The following GALNT10 variants were observed in gnomAD, a reference collection of about 807,000 sequenced individuals.
GALNT10 encodes polypeptide N-acetylgalactosaminyltransferase 10.
A neutral mutation model predicts 75.0 loss-of-function variants in GALNT10; 41 were observed. The observed-to-expected ratio is 0.55, with a 90% CI of 0.43 to 0.71. The LOEUF is 0.71. Ranked by LOEUF, GALNT10 falls within the 30% of genes least tolerant of loss-of-function variation. The pLI is 0.00. For missense variants in GALNT10, 727 were observed against 818.5 expected, an observed-to-expected ratio of 0.89 and a Z score of 1.36; for synonymous variants, 302 against 313.0, an observed-to-expected ratio of 0.96 and a Z score of 0.37.
chr5:154,193,663 CA>C (rs1424870286), intron 1 of GALNT10, among the ~76,000 whole-genome samples: 1 of 152,164 alleles, frequency 6.6e-6, no homozygotes, highest in Non-Finnish European at 1.5e-5. Context: ...GGACTTTATC[CA>C]AATGAAAAAT....
chr5:154,306,633 C>T (rs950297898), intron 3 of GALNT10, among the ~76,000 whole-genome samples: 1 of 151,220 alleles, frequency 6.6e-6, no homozygotes, highest in African/African-American at 2.4e-5. Context: ...AAAAGAAGAG[C>T]AAATTAATCA....
At chr5:154,239,402 G>A (rs999382553) in intron 1 of GALNT10, among the ~76,000 whole-genome samples, 3 of 152,190 alleles carry the variant, frequency 2.0e-5, no homozygotes, top group Non-Finnish European at 4.4e-5. Context: ...GGTGAGCGGT[G>A]GGGCGAGCAA....
At chr5:154,413,564 G>A (rs906217232) in intron 10 of GALNT10, among the ~76,000 whole-genome samples, 2 of 152,188 alleles carry the variant, frequency 1.3e-5, no homozygotes, top group African/African-American at 2.4e-5. Context: ...GGAGCCTAGG[G>A]GCATGGTCAG....
At chr5:154,323,415 C>A (rs1338105430) in intron 3 of GALNT10, among the ~76,000 whole-genome samples, 1 of 152,070 alleles carries the variant, frequency 6.6e-6, no homozygotes, top group Non-Finnish European at 1.5e-5. Flanking sequence ...GAGGGTCACA[C>A]AAAAACAGGC....
chr5:154,226,919 T>C (rs1753071626), intron 1 of GALNT10, among the ~76,000 whole-genome samples: 1 of 151,838 alleles, frequency 6.6e-6, no homozygotes, highest in Non-Finnish European at 1.5e-5. Flanking sequence ...TAGAGTTTTA[T>C]ACAAATGGAA....
At chr5:154,292,138 T>C (rs1754202956) in intron 1 of GALNT10, among the ~76,000 whole-genome samples, 2 of 152,238 alleles carry the variant, frequency 1.3e-5, no homozygotes, top group African/African-American at 4.8e-5. Context: ...CCTTCTATGA[T>C]AATTATCTGC....
chr5:154,237,424 G>A (rs1188313712), intron 1 of GALNT10, among the ~76,000 whole-genome samples: 1 of 152,116 alleles, frequency 6.6e-6, no homozygotes, highest in East Asian at 1.9e-4. Flanking sequence ...TATTCATTGT[G>A]TGTGAAAAAG....
chr5:154,223,240 C>T (rs1363454979), intron 1 of GALNT10, among the ~76,000 whole-genome samples: 3 of 152,176 alleles, frequency 2.0e-5, no homozygotes, highest in South Asian at 2.1e-4. Flanking sequence ...TTATTGCATG[C>T]GTGATCTGCT....
intron 1 of GALNT10, among the ~76,000 whole-genome samples, chr5:154,280,225 GA>G (rs1256471609): frequency 6.6e-6 from 1 of 152,198 alleles, no homozygotes; most frequent in South Asian, 2.1e-4. Context: ...CATAGAAGTA[GA>G]GAGTAGAATA....
intron 4 of GALNT10, among the ~76,000 whole-genome samples, chr5:154,374,184 GC>G (rs1201569248): frequency 6.6e-6 from 1 of 152,160 alleles, no homozygotes; most frequent in Non-Finnish European, 1.5e-5. Context: ...CTCAATTAGG[GC>G]AAATTGATTT....
chr5:154,316,267 C>T (rs1349306911), intron 3 of GALNT10, among the ~76,000 whole-genome samples: 1 of 152,234 alleles, frequency 6.6e-6, no homozygotes, highest in Admixed American at 6.5e-5. Context: ...CATCCAGGGT[C>T]TCCAAAAGAT....
chr5:154,339,994 G>A (rs1755008571), intron 4 of GALNT10, among the ~76,000 whole-genome samples: 1 of 152,156 alleles, frequency 6.6e-6, no homozygotes, highest in African/African-American at 2.4e-5. Context: ...ATCTACTCAG[G>A]GTTTGAAGAG....
chr5:154,337,531 A>G, intron 4 of GALNT10: 1 of 745,420 alleles, frequency 1.3e-6, no homozygotes, highest in Non-Finnish European at 2.5e-6. Context: ...CCTTGGTTTC[A>G]TGGTTTGGCG....
chr5:154,414,132 T>C (rs1047196706), intron 10 of GALNT10, among the ~76,000 whole-genome samples: 1 of 152,164 alleles, frequency 6.6e-6, no homozygotes, highest in Admixed American at 6.5e-5. Flanking sequence ...ACACTGAAGA[T>C]TGGCAAAGAT....
chr5:154,288,601 C>CG (rs1754147698), intron 1 of GALNT10, among the ~76,000 whole-genome samples: 2 of 112,184 alleles, frequency 1.8e-5, no homozygotes. Context: ...CTCTCCCTCA[C>CG]TTCTTGCCAT....
Position 154,333,400 on chromosome 5 carries a change from G to A in GALNT10, c.568+3662G>A, listed in dbSNP as rs540246449. ...ACGTTATTCCTTTCTATTTCCAAGGGCACTTCTTAATAAATTACTTTCCCA... is the reference window on the plus strand; with the variant it reads ...ACGTTATTCCTTTCTATTTCCAAGGACACTTCTTAATAAATTACTTTCCCA... On this transcript the variant is annotated intron_variant, in intron 4 of 11. Coordinates refer to ENST00000297107, the MANE Select transcript of GALNT10 (RefSeq NM_198321.4). Among the ~76,000 whole-genome samples, 3 of 152,214 alleles carry A rather than the reference G, an allele frequency of 2.0e-5. No individual in the cohort carries two copies. The South Asian group carries it at 6.2e-4, about 32-fold the overall frequency.
chr5:154,332,779 T>C (rs893876880), intron 4 of GALNT10, among the ~76,000 whole-genome samples: 8 of 152,186 alleles, frequency 5.3e-5, no homozygotes, highest in African/African-American at 1.4e-4. Context: ...TTGCAGTGAC[T>C]GGTGCTGGCC....
intron 1 of GALNT10, among the ~76,000 whole-genome samples, chr5:154,219,122 C>T (rs1300973657): frequency 6.6e-6 from 1 of 152,218 alleles, no homozygotes; most frequent in African/African-American, 2.4e-5. Flanking sequence ...TAGTCCCCTG[C>T]TCTCCCACCT....
chr5:154,326,728 G>A (rs1249900209), intron 3 of GALNT10, among the ~76,000 whole-genome samples: 8 of 152,172 alleles, frequency 5.3e-5, no homozygotes, highest in Non-Finnish European at 1.0e-4. Flanking sequence ...GGGATTGCTA[G>A]CAGCTAGCTG....
Sources: gnomAD v4.1 joint callset for allele counts (sites outside exome capture counted in the v4.1 genomes callset) on GRCh38, gnomAD v4.1.1 for gene constraint, MANE v1.5 for transcripts, NCBI Gene and HGNC (gene_info 2026-07-23, HGNC 2026-07-21) for gene names.